The following MAP2K5 variants were observed in gnomAD, a reference collection of about 807,000 sequenced individuals.
MAP2K5 encodes dual specificity mitogen-activated protein kinase kinase 5.
MAP2K5 carries 49 observed loss-of-function variants against 83.1 expected under a neutral mutation model. The observed-to-expected ratio is 0.59, with a 90% CI of 0.47 to 0.75. MAP2K5 has a LOEUF of 0.75. Among genes scored for constraint, MAP2K5 ranks in the 30% least tolerant of loss-of-function variants. MAP2K5 has a pLI of 0.00. For synonymous variants in MAP2K5, 202 were observed against 191.8 expected (o/e 1.05, Z -0.44); for missense variants, 457 against 557.5 (o/e 0.82, Z 1.82).
In MAP2K5 at chr15:67,586,864, C is replaced by T. The variant is rs138101245; in HGVS notation, c.382C>T (p.Pro128Ser). 2.7e-5 allele frequency: 44 copies of T among 1,614,146 alleles called. No individual in the cohort carries two copies. The African/African-American group carries it at 3.5e-4, about 13-fold the overall frequency. The change falls in exon 6 of 22, where the codon CCC (proline) becomes TCC (serine). Residue 128 changes from proline (P) to serine (S), a missense_variant. By Grantham distance (74) the Pro-to-Ser change is moderately conservative. Transcript: ENST00000178640. The part of the protein sequence containing the change: ...HGLKVNTRAG[P>S]SQHSSPAVSD... ...CTTATAGGTGAATACTCGGGCCGGA[C>T]CCTCTCAACACAGCAGCCCAGCAGT...
At position 67,736,664 on chromosome 15, in the gene MAP2K5, G is replaced by A. The variant is rs768501316; in HGVS notation, c.1074+8719G>A. 7.9e-5 allele frequency among the ~76,000 whole-genome samples: 12 copies of A among 151,988 alleles called. No homozygotes were observed. The highest frequency in any genetic ancestry group is 3.2e-3 in the Middle Eastern group (1 of 316). On this transcript the variant is annotated intron_variant, in intron 17 of 21. Coordinates refer to ENST00000178640, the MANE Select transcript of MAP2K5 (RefSeq NM_145160.3). This position sits in a 1 kb window ranked among gnomAD's most constrained non-coding sequence, Gnocchi z 4.3. Reference sequence around the variant, plus strand: ...TATATAGAATTATATACAGAATCTCGTCATTTTTAGTTCAGTTACTGGGGA... The same window carrying A: ...TATATAGAATTATATACAGAATCTCATCATTTTTAGTTCAGTTACTGGGGA...
At chr15:67,798,847 A>C (rs1008974254) in intron 21 of MAP2K5, among the ~76,000 whole-genome samples, 5 of 151,958 alleles carry the variant, frequency 3.3e-5, no homozygotes, top group Admixed American at 3.3e-4. Flanking sequence ...AGGAACCCCC[A>C]CCCCCAAATA....
chr15:67,742,429 A>G (rs1298354013), intron 17 of MAP2K5, among the ~76,000 whole-genome samples: 3 of 152,204 alleles, frequency 2.0e-5, no homozygotes, highest in Non-Finnish European at 2.9e-5. Context: ...TTGAAACATT[A>G]AAATGTTGCT....
Position 67,577,891 on chromosome 15 carries a change from T to C in MAP2K5, c.253-2863T>C, listed in dbSNP as rs755875764. 1.7e-4 allele frequency among the ~76,000 whole-genome samples: 26 copies of C among 152,202 alleles called. No individual in the cohort carries two copies. The highest frequency in any genetic ancestry group is 3.4e-3 in the Middle Eastern group (1 of 294). Reference sequence around the variant, plus strand: ...GGTGGGTGCCTGTAATCCCAGCTACTTGGGAGGCTGAGGCAGGAGAATTGC... The same window carrying C: ...GGTGGGTGCCTGTAATCCCAGCTACCTGGGAGGCTGAGGCAGGAGAATTGC... On this transcript the variant is annotated intron_variant, in intron 3 of 21. Transcript: ENST00000178640. This position sits in a 1 kb window ranked among gnomAD's most constrained non-coding sequence, Gnocchi z 4.1.
intron 2 of MAP2K5, among the ~76,000 whole-genome samples, chr15:67,560,210 A>G (rs2084706069): frequency 6.6e-6 from 1 of 152,190 alleles, no homozygotes; most frequent in South Asian, 2.1e-4. Flanking sequence ...TTTTTGCTTT[A>G]CAGGTTAAGG....
chr15:67,713,947 G>T (rs2141229740), intron 16 of MAP2K5, among the ~76,000 whole-genome samples: 1 of 152,302 alleles, frequency 6.6e-6, no homozygotes, highest in South Asian at 2.1e-4. Flanking sequence ...CTTATAATCA[G>T]TGTGATCTTA....
chr15:67,674,814 A>G (rs1166572490), intron 13 of MAP2K5, among the ~76,000 whole-genome samples: 3 of 152,236 alleles, frequency 2.0e-5, no homozygotes, highest in Admixed American at 6.5e-5. Flanking sequence ...CATTCCACTG[A>G]AGAGTATACA....
chr15:67,556,291 A>C (rs1163055123), intron 2 of MAP2K5, among the ~76,000 whole-genome samples: 1 of 151,982 alleles, frequency 6.6e-6, no homozygotes, highest in Non-Finnish European at 1.5e-5. Flanking sequence ...TCCGTGGAGA[A>C]GTTTAAAATT....
At chr15:67,634,394 A>AT (rs2086550851) in intron 9 of MAP2K5, among the ~76,000 whole-genome samples, 1 of 98,812 alleles carries the variant, frequency 1.0e-5, no homozygotes, top group Non-Finnish European at 2.2e-5. Context: ...AAAAAAAAAA[A>AT]AAAAAAAAAA....
chr15:67,760,496 T>G lies in MAP2K5; in HGVS notation c.1135-9106T>G, dbSNP rs945605816. On this transcript the variant is annotated intron_variant, in intron 19 of 21. Transcript: ENST00000178640. This position sits in a 1 kb window ranked among gnomAD's most constrained non-coding sequence, Gnocchi z 4.1. ...AGTGGCACTGAGTGAATTCAGCCAA[T>G]AGACCTTATCCATTTCTTCTTTTTT... Among the ~76,000 whole-genome samples the G allele has an allele frequency of 6.6e-6, 1 of 152,232 alleles. No individual in the cohort carries two copies. Among genetic ancestry groups the G allele is most frequent in the Non-Finnish European group, 1.5e-5 (1 of 68,040 alleles).
chr15:67,739,446 A>G (rs1199288521), intron 17 of MAP2K5, among the ~76,000 whole-genome samples: 1 of 15,712 alleles, frequency 6.4e-5, no homozygotes, highest in South Asian at 3.7e-3. Context: ...ATATATATAT[A>G]TATATATATA....
intron 2 of MAP2K5, among the ~76,000 whole-genome samples, chr15:67,557,822 A>C (rs1174928145): frequency 6.6e-6 from 1 of 152,202 alleles, no homozygotes; most frequent in Non-Finnish European, 1.5e-5. Flanking sequence ...TAAATCATAA[A>C]ATATTTGGAA....
At chr15:67,605,346 C>G (rs151016055) in intron 8 of MAP2K5, among the ~76,000 whole-genome samples, 2 of 151,120 alleles carry the variant, frequency 1.3e-5, no homozygotes, top group Admixed American at 6.6e-5. Context: ...AATCACCACC[C>G]CCAGCCAGCC....
intron 17 of MAP2K5, among the ~76,000 whole-genome samples, chr15:67,732,260 T>C (rs1596874382): frequency 6.6e-6 from 1 of 152,314 alleles, no homozygotes; most frequent in African/African-American, 2.4e-5. Flanking sequence ...GTTTGTTTAA[T>C]GACACCATAA....
In MAP2K5 at chr15:67,604,252, T is replaced by C. The variant is rs2085728785; in HGVS notation, c.545+3503T>C. Among the ~76,000 whole-genome samples, 4 of 152,272 alleles carry C rather than the reference T, an allele frequency of 2.6e-5. No individual in the cohort carries two copies. The South Asian group carries it at 8.3e-4, about 32-fold the overall frequency. On this transcript the variant is annotated intron_variant, in intron 8 of 21. Coordinates refer to ENST00000178640, the MANE Select transcript of MAP2K5 (RefSeq NM_145160.3). ...GTTGGTATTTCTTGGATTACTAATTTGGGCTACATGGAACATAAAGGAAAT... is the reference window on the plus strand; with the variant it reads ...GTTGGTATTTCTTGGATTACTAATTCGGGCTACATGGAACATAAAGGAAAT...
At chr15:67,707,500 CTAG>C (rs2088585220) in intron 16 of MAP2K5, among the ~76,000 whole-genome samples, 2 of 152,224 alleles carry the variant, frequency 1.3e-5, no homozygotes. Context: ...AATTCTCTTT[CTAG>C]TAGAAACTTT....
chr15:67,678,839 C>G (rs1414655557), intron 13 of MAP2K5, among the ~76,000 whole-genome samples: 2 of 151,744 alleles, frequency 1.3e-5, no homozygotes, highest in East Asian at 3.9e-4. Context: ...TGGTGAGCAC[C>G]TGTAGTCCCA....
chr15:67,629,064 A>C (rs1423467271), intron 8 of MAP2K5: 51 of 741,138 alleles, frequency 6.9e-5, no homozygotes, highest in East Asian at 3.5e-4. Context: ...ATACTTTGCC[A>C]AACCATGAAA....
chr15:67,631,994 A>G (rs1210843780), intron 9 of MAP2K5, among the ~76,000 whole-genome samples: 1 of 151,936 alleles, frequency 6.6e-6, no homozygotes, highest in African/African-American at 2.4e-5. Context: ...CTGCTTTACC[A>G]ATCTGTTACT....
Sources: allele counts gnomAD v4.1 joint callset (sites outside exome capture counted in the v4.1 genomes callset), GRCh38; gene constraint gnomAD v4.1.1; non-coding constraint Gnocchi (gnomAD v3.1); transcripts MANE v1.5; gene names NCBI Gene and HGNC (gene_info 2026-07-23, HGNC 2026-07-21).